Variants in FBXL7 observed in about 807,000 individuals in gnomAD.
The protein encoded by FBXL7 is F-box/LRR-repeat protein 7.
A neutral mutation model predicts 38.3 loss-of-function variants in FBXL7; 12 were observed. The ratio of observed to expected loss-of-function variants is 0.31; its 90% confidence interval spans 0.20 to 0.51. The LOEUF is 0.51. Ranked by LOEUF, FBXL7 falls within the 20% of genes least tolerant of loss-of-function variation. FBXL7 has a pLI of 0.98. For missense variants in FBXL7, 567 were observed against 676.4 expected, an observed-to-expected ratio of 0.84 and a Z score of 1.79; for synonymous variants, 297 against 300.9, an observed-to-expected ratio of 0.99 and a Z score of 0.13.
At chr5:15,738,025 C>T (rs1455744233) in intron 2 of FBXL7, among the ~76,000 whole-genome samples, 2 of 152,040 alleles carry the variant, frequency 1.3e-5, no homozygotes, top group African/African-American at 2.4e-5. Context: ...GAATGACTTG[C>T]CTGTTGGAAA....
chr5:15,834,360 T>G (rs187823458), intron 2 of FBXL7, among the ~76,000 whole-genome samples: 1 of 152,330 alleles, frequency 6.6e-6, no homozygotes, highest in Admixed American at 6.5e-5. Flanking sequence ...ATTCCAAATT[T>G]TTTTCTTCTC....
chr5:15,788,276 G>C (rs1737183245), intron 2 of FBXL7, among the ~76,000 whole-genome samples: 2 of 152,086 alleles, frequency 1.3e-5, no homozygotes, highest in South Asian at 4.2e-4. Flanking sequence ...AATTTTGGGG[G>C]AGCACTATTC....
intron 1 of FBXL7, among the ~76,000 whole-genome samples, chr5:15,610,321 C>T (rs1039699961): frequency 1.3e-5 from 2 of 152,118 alleles, no homozygotes; most frequent in Non-Finnish European, 2.9e-5. Context: ...CTCTCTTGCC[C>T]CTGGTCATTT....
At chr5:15,639,372 G>A (rs1741284156) in intron 2 of FBXL7, among the ~76,000 whole-genome samples, 1 of 152,124 alleles carries the variant, frequency 6.6e-6, no homozygotes, top group Admixed American at 6.5e-5. Flanking sequence ...ATTGAATCAT[G>A]GGGGTGGGTC....
At chr5:15,645,609 G>A (rs554033649) in intron 2 of FBXL7, among the ~76,000 whole-genome samples, 45 of 152,244 alleles carry the variant, frequency 3.0e-4, no homozygotes, top group Non-Finnish European at 5.9e-5. Flanking sequence ...GCTGAGTCAC[G>A]GGCACATGTC....
At chr5:15,640,970 GCAGCATCTCACATACTAGAGCTGGGT>G (rs1741349135) in intron 2 of FBXL7, among the ~76,000 whole-genome samples, 1 of 152,178 alleles carries the variant, frequency 6.6e-6, no homozygotes, top group Admixed American at 6.5e-5. Context: ...AGGACATGCT[GCAGCATCTCACATACTAGAGCTGGGT>G]CAGCCCAGCC....
At chr5:15,810,837 T>C (rs1035737466) in intron 2 of FBXL7, among the ~76,000 whole-genome samples, 2 of 152,234 alleles carry the variant, frequency 1.3e-5, no homozygotes, top group African/African-American at 2.4e-5. Flanking sequence ...CTCTTATTTA[T>C]TTTGTATTTT....
chr5:15,712,024 C>A (rs908432780), intron 2 of FBXL7, among the ~76,000 whole-genome samples: 1 of 152,110 alleles, frequency 6.6e-6, no homozygotes, highest in Non-Finnish European at 1.5e-5. Context: ...TAATCAAAAA[C>A]CTTGATGGAT....
intron 1 of FBXL7, among the ~76,000 whole-genome samples, chr5:15,516,299 G>C (rs1736934780): frequency 6.6e-6 from 1 of 151,900 alleles, no homozygotes; most frequent in African/African-American, 2.4e-5. Context: ...TGGTATACTC[G>C]ATTCAAACCC....
intron 2 of FBXL7, among the ~76,000 whole-genome samples, chr5:15,813,958 AATGCTTTT>A (rs542791897): frequency 9.7e-4 from 147 of 152,310 alleles, no homozygotes; most frequent in African/African-American, 3.3e-3. Context: ...GAGAAATAGG[AATGCTTTT>A]ACACTGTTGG....
chr5:15,670,808 AT>A (rs1316497521), intron 2 of FBXL7, among the ~76,000 whole-genome samples: 3 of 149,064 alleles, frequency 2.0e-5, no homozygotes, highest in Non-Finnish European at 3.0e-5. Flanking sequence ...CTCAAAAAAA[AT>A]AAAAATAAAA....
intron 2 of FBXL7, among the ~76,000 whole-genome samples, chr5:15,620,399 A>AT (rs1278504178): frequency 0.023 from 3,049 of 133,022 alleles, 124 homozygotes; most frequent in African/African-American, 0.087. Flanking sequence ...CGCCCAGCTA[A>AT]TTTTTTGTTT....
intron 2 of FBXL7, among the ~76,000 whole-genome samples, chr5:15,687,895 A>C (rs539383578): frequency 6.6e-6 from 1 of 152,318 alleles, no homozygotes; most frequent in African/African-American, 2.4e-5. Context: ...AGTACTAAGA[A>C]TTGGAGCTTT....
At chr5:15,591,379 T>C (rs1309004159) in intron 1 of FBXL7, among the ~76,000 whole-genome samples, 1 of 148,564 alleles carries the variant, frequency 6.7e-6, no homozygotes, top group Admixed American at 6.8e-5. Flanking sequence ...CAGTGAGCTG[T>C]GATCGCACCA....
At chr5:15,867,179 T>G (rs925603575) in intron 2 of FBXL7, among the ~76,000 whole-genome samples, 1 of 152,212 alleles carries the variant, frequency 6.6e-6, no homozygotes, top group African/African-American at 2.4e-5. Context: ...CTCTCAGACT[T>G]GGAATCACTC....
intron 2 of FBXL7, among the ~76,000 whole-genome samples, chr5:15,764,893 G>A (rs1276768395): frequency 1.3e-5 from 2 of 152,214 alleles, no homozygotes; most frequent in Non-Finnish European, 2.9e-5. Flanking sequence ...AAATATTTTA[G>A]TCTTTGGAAG....
intron 2 of FBXL7, among the ~76,000 whole-genome samples, chr5:15,925,598 T>C (rs1472851881): frequency 6.6e-6 from 1 of 152,248 alleles, no homozygotes; most frequent in Non-Finnish European, 1.5e-5. Context: ...TGAGTGTTAA[T>C]TTCCAGGGTA....
chr5:15,514,787 G>A lies in FBXL7; in HGVS notation c.37+14074G>A, dbSNP rs191017281. Reference sequence around the variant, plus strand: ...TTAGCCACTGAAGGTTCACAGCCCAGTGCCTCTCCAGAAATTACTCTCATC... The same window carrying A: ...TTAGCCACTGAAGGTTCACAGCCCAATGCCTCTCCAGAAATTACTCTCATC... On this transcript the variant is annotated intron_variant, in intron 1 of 3. Coordinates refer to ENST00000504595, the MANE Select transcript of FBXL7 (RefSeq NM_012304.5). 3.6e-3 allele frequency among the ~76,000 whole-genome samples: 544 copies of A among 152,274 alleles called. 4 individuals are homozygous for A. Among genetic ancestry groups the A allele is most frequent in the African/African-American group, 0.013 (529 of 41,554 alleles).
At chr5:15,884,378 TGCCTCA>T (rs1185312162) in intron 2 of FBXL7, among the ~76,000 whole-genome samples, 1 of 152,104 alleles carries the variant, frequency 6.6e-6, no homozygotes, top group Non-Finnish European at 1.5e-5. Context: ...ACCATTCTCC[TGCCTCA>T]GCCTCCCGAG....
Sources: allele counts gnomAD v4.1 joint callset (sites outside exome capture counted in the v4.1 genomes callset), GRCh38; gene constraint gnomAD v4.1.1; transcripts MANE v1.5; gene names NCBI Gene and HGNC (gene_info 2026-07-23, HGNC 2026-07-21).